The following SEC11A variants were observed in gnomAD, a reference collection of about 807,000 sequenced individuals.
SEC11A encodes the protein SEC11 homolog A, signal peptidase complex subunit.
SEC11A carries 14 observed loss-of-function variants against 25.6 expected under a neutral mutation model. The ratio of observed to expected loss-of-function variants is 0.55; its 90% CI spans 0.36 to 0.85. SEC11A has a LOEUF of 0.85. SEC11A is among the 40% of genes least tolerant of loss of function. SEC11A has a pLI of 0.01. For synonymous variants in SEC11A, 83 were observed against 76.4 expected, an observed-to-expected ratio of 1.09 and a Z score of -0.45; for missense variants, 153 against 222.9, an observed-to-expected ratio of 0.69 and a Z score of 2.00.
chr15:84,700,208 C>A (rs998026240), intron 1 of SEC11A, among the ~76,000 whole-genome samples: 1 of 151,774 alleles, frequency 6.6e-6, no homozygotes, highest in African/African-American at 2.4e-5. Context: ...AAAAAACTAC[C>A]AGACATGCAA....
chr15:84,692,029 T>TA (rs949254119), intron 1 of SEC11A: 1 of 150,146 alleles, frequency 6.7e-6, no homozygotes, highest in African/African-American at 2.5e-5. Flanking sequence ...TTTTTCTTTT[T>TA]TTTTTTTTTT....
intron 5 of SEC11A, 194 bp downstream of exon 5, chr15:84,670,531 G>A (rs979725772): frequency 2.4e-5 from 9 of 371,134 alleles, no homozygotes; most frequent in African/African-American, 8.6e-5. Flanking sequence ...GAGCCACTGC[G>A]CCCAGGCTAA....
rs114070499 is a variant in SEC11A at position 84,694,607 on chromosome 15, C to A, written c.52-2963G>T. Among the ~76,000 whole-genome samples the A allele has an allele frequency of 5.8e-4, 88 of 152,158 alleles. 1 individual carries two copies. The highest frequency in any genetic ancestry group is 2.1e-3 in the African/African-American group (87 of 41,522). Reference sequence around the variant, plus strand: ...TAGCTATTCATTCTGGTGTTTACCCCAACCACTCTAAAAACTGTTTGTTTA... The same window carrying A: ...TAGCTATTCATTCTGGTGTTTACCCAAACCACTCTAAAAACTGTTTGTTTA... On this transcript the variant is annotated intron_variant, in intron 1 of 5. Transcript: ENST00000268220.
intron 4 of SEC11A, chr15:84,671,488 G>C (rs1342821588): frequency 2.0e-5 from 3 of 152,050 alleles, no homozygotes; most frequent in Middle Eastern, 3.2e-3. Flanking sequence ...CTTTTCACTA[G>C]CTCTTTCTAA....
At chr15:84,677,162 G>A (rs188164655) in intron 4 of SEC11A, among the ~76,000 whole-genome samples, 1 of 152,052 alleles carries the variant, frequency 6.6e-6, no homozygotes, top group Non-Finnish European at 1.5e-5. Context: ...CTATTCTTAA[G>A]ATTTGTGTAC....
chr15:84,680,280 G>A (rs1340126674), intron 4 of SEC11A, among the ~76,000 whole-genome samples: 3 of 150,076 alleles, frequency 2.0e-5, no homozygotes, highest in Non-Finnish European at 4.4e-5. Context: ...CAGCCTGGGT[G>A]ACAGAGCAAG....
chr15:84,674,059 G>A (rs1208840945), intron 4 of SEC11A, among the ~76,000 whole-genome samples: 3 of 152,058 alleles, frequency 2.0e-5, no homozygotes, highest in African/African-American at 7.2e-5. Flanking sequence ...AGTGTGAGAT[G>A]CACATATAGG....
chr15:84,690,710 T>C (rs935875525), intron 2 of SEC11A, among the ~76,000 whole-genome samples: 3 of 152,148 alleles, frequency 2.0e-5, no homozygotes, highest in Non-Finnish European at 4.4e-5. Context: ...CCATAAGAGA[T>C]GGTATTAATG....
At chr15:84,693,462 TC>T (rs1046574396) in intron 1 of SEC11A, among the ~76,000 whole-genome samples, 11 of 3,994 alleles carry the variant, frequency 2.8e-3, no homozygotes, top group African/African-American at 0.013. Context: ...TTTTTTCTCT[TC>T]TTTTTTTTTT....
chr15:84,695,706 T>C (rs1283807401), intron 1 of SEC11A, among the ~76,000 whole-genome samples: 1 of 152,198 alleles, frequency 6.6e-6, no homozygotes, highest in Admixed American at 6.6e-5. Context: ...AATTAACCTG[T>C]TTTTCCTGCA....
chr15:84,706,252 G>A (rs1898090882), intron 1 of SEC11A, among the ~76,000 whole-genome samples: 1 of 152,066 alleles, frequency 6.6e-6, no homozygotes, highest in Non-Finnish European at 1.5e-5. Flanking sequence ...CATCCATTAA[G>A]GGACATAATG....
At chr15:84,684,260 C>T (rs1432151030) in intron 3 of SEC11A, among the ~76,000 whole-genome samples, 10 of 152,138 alleles carry the variant, frequency 6.6e-5, no homozygotes, top group Admixed American at 6.5e-4. Flanking sequence ...CCATAATTAC[C>T]ACAGGTCATG....
intron 5 of SEC11A, 82 bp from the exon 6 acceptor site, chr15:84,670,151 T>C (rs1760131682): frequency 7.3e-7 from 1 of 1,363,410 alleles, no homozygotes; most frequent in African/African-American, 1.5e-5. Flanking sequence ...AAATTGGTCT[T>C]TGTGAATATA....
intron 3 of SEC11A, among the ~76,000 whole-genome samples, chr15:84,685,238 C>A (rs1284473951): frequency 6.6e-6 from 1 of 152,072 alleles, no homozygotes; most frequent in African/African-American, 2.4e-5. Flanking sequence ...AAGTCTATGA[C>A]TCATTCAATT....
intron 1 of SEC11A, among the ~76,000 whole-genome samples, chr15:84,694,162 C>T (rs751190441): frequency 6.6e-5 from 10 of 151,700 alleles, no homozygotes; most frequent in Non-Finnish European, 1.5e-4. Context: ...GGAGACCAGC[C>T]TGGCCAACAT....
chr15:84,683,134 T>C (rs1052018149), intron 3 of SEC11A, among the ~76,000 whole-genome samples: 9 of 151,976 alleles, frequency 5.9e-5, no homozygotes, highest in African/African-American at 2.2e-4. Context: ...GACAATTCAG[T>C]AAGTGAAAAA....
At position 84,695,867 on chromosome 15, in the gene SEC11A, G is replaced by A. The variant is rs556563116; in HGVS notation, c.52-4223C>T. On this transcript the variant is annotated intron_variant, in intron 1 of 5. Coordinates refer to ENST00000268220, the MANE Select transcript of SEC11A (RefSeq NM_014300.4). ...TGGAGAAAAGGAACCAGGAGTCAAGGTGGAAGAAAAATATTTTCTGATATA... is the reference window on the plus strand; with the variant it reads ...TGGAGAAAAGGAACCAGGAGTCAAGATGGAAGAAAAATATTTTCTGATATA... 6.6e-5 allele frequency among the ~76,000 whole-genome samples: 10 copies of A among 152,276 alleles called. 1 individual carries two copies. In the South Asian group the frequency reaches 2.1e-3, roughly 32 times the overall value.
intron 1 of SEC11A, among the ~76,000 whole-genome samples, chr15:84,715,147 C>G (rs1898418948): frequency 6.6e-6 from 1 of 151,706 alleles, no homozygotes; most frequent in Non-Finnish European, 1.5e-5. Flanking sequence ...ACAAAAAATG[C>G]AAGTCCAAGG....
chr15:84,697,189 G>C (rs929061296), intron 1 of SEC11A, among the ~76,000 whole-genome samples: 15 of 152,120 alleles, frequency 9.9e-5, no homozygotes, highest in Non-Finnish European at 1.8e-4. Flanking sequence ...TTGAGCCCAG[G>C]AGGTTGAGGC....
Sources: allele counts gnomAD v4.1 joint callset (sites outside exome capture counted in the v4.1 genomes callset), GRCh38; gene constraint gnomAD v4.1.1; transcripts MANE v1.5; gene names NCBI Gene and HGNC (gene_info 2026-07-23, HGNC 2026-07-21).